The following DOCK9 variants were observed in gnomAD, a reference collection of about 807,000 sequenced individuals.
DOCK9 encodes dedicator of cytokinesis protein 9.
DOCK9 carries 89 observed loss-of-function variants against 263.3 expected under a neutral mutation model. The ratio of observed to expected loss-of-function variants is 0.34; its 90% CI spans 0.28 to 0.40. DOCK9 has a LOEUF of 0.40. Ranked by LOEUF, DOCK9 falls within the 10% of genes least tolerant of loss-of-function variation. The pLI is 1.00. For synonymous variants in DOCK9, 976 were observed against 973.1 expected (o/e 1.00, Z -0.06); for missense variants, 2,140 against 2,603.4 (o/e 0.82, Z 3.87).
At chr13:99,015,543 A>T in intron 1 of DOCK9, 1 of 1,598,346 alleles carries the variant, frequency 6.3e-7, no homozygotes. Context: ...TGCACATATA[A>T]GCACAGTTTC....
intron 1 of DOCK9, among the ~76,000 whole-genome samples, chr13:98,967,269 C>T (rs1293523938): frequency 1.3e-5 from 2 of 152,214 alleles, no homozygotes; most frequent in Non-Finnish European, 2.9e-5. Flanking sequence ...CTGGACAGTG[C>T]ACGAATGCAC....
intron 27 of DOCK9, among the ~76,000 whole-genome samples, chr13:98,870,301 G>A (rs1211133172): frequency 1.3e-5 from 2 of 152,172 alleles, no homozygotes; most frequent in African/African-American, 2.4e-5. Flanking sequence ...ATGAGGAAAG[G>A]ATCAGTAACA....
chr13:98,905,763 A>G (rs1260224515), intron 9 of DOCK9, among the ~76,000 whole-genome samples: 2 of 130,788 alleles, frequency 1.5e-5, no homozygotes, highest in African/African-American at 5.8e-5. Context: ...CTTTCTTAAT[A>G]AACTTGCTTT....
At chr13:98,927,870 C>T (rs1252935077) in intron 3 of DOCK9, among the ~76,000 whole-genome samples, 1 of 152,054 alleles carries the variant, frequency 6.6e-6, no homozygotes, top group Non-Finnish European at 1.5e-5. Flanking sequence ...CCACCCGCCT[C>T]GGCCTCCCAA....
intron 1 of DOCK9, among the ~76,000 whole-genome samples, chr13:99,073,132 G>A (rs970376259): frequency 1.3e-5 from 2 of 152,090 alleles, no homozygotes; most frequent in African/African-American, 4.8e-5. Flanking sequence ...CCACCATGTG[G>A]CCCATCACTC....
intron 1 of DOCK9, among the ~76,000 whole-genome samples, chr13:99,033,389 G>A (rs942080114): frequency 2.6e-5 from 4 of 152,218 alleles, no homozygotes; most frequent in Admixed American, 6.5e-5. Context: ...AACCATTTGT[G>A]AGGGAATGAA....
intron 46 of DOCK9, among the ~76,000 whole-genome samples, chr13:98,809,961 C>T (rs1192516364): frequency 2.0e-5 from 3 of 152,062 alleles, no homozygotes; most frequent in Non-Finnish European, 4.4e-5. Flanking sequence ...TGGGGGTCTC[C>T]ACAGAGGTAG....
intron 2 of DOCK9, among the ~76,000 whole-genome samples, chr13:98,937,001 G>A (rs2054956791): frequency 6.6e-6 from 1 of 152,086 alleles, no homozygotes; most frequent in South Asian, 2.1e-4. Context: ...CTTTTTCATA[G>A]CTGTGGCATT....
At chr13:99,000,888 G>A (rs2141832979) in intron 1 of DOCK9, among the ~76,000 whole-genome samples, 1 of 152,300 alleles carries the variant, frequency 6.6e-6, no homozygotes, top group African/African-American at 2.4e-5. Flanking sequence ...AGTTCTGGCA[G>A]TGAAAAAAGA....
chr13:98,885,754 G>A lies in DOCK9; in HGVS notation c.2214C>T (p.Asn738=). ...TCTTCTTCGTGCTTCCTTTACTTGA[G>A]TTGTCACAGCTGACATGGAAGAATG... ...LLTFFHVSCD[N]SSKGSTKKRD... is the part of the protein sequence containing the mutation. The change falls in exon 20 of 53, where the codon AAC becomes AAT. Residue 738 remains asparagine (N), a synonymous_variant. Coordinates refer to ENST00000682017, the MANE Select transcript of DOCK9 (RefSeq NM_001366683.2). 5 of 1,612,370 alleles carry A rather than the reference G, an allele frequency of 3.1e-6. No homozygotes were observed. Among genetic ancestry groups the A allele is most frequent in the Non-Finnish European group, 4.2e-6 (5 of 1,179,512 alleles).
chr13:98,814,406 C>CTT (rs36080691), intron 45 of DOCK9, among the ~76,000 whole-genome samples: 4,912 of 139,086 alleles, frequency 0.035, 194 homozygotes, highest in African/African-American at 0.087. Context: ...AGAAGTACGT[C>CTT]TTTTTTTTTT....
intron 2 of DOCK9, among the ~76,000 whole-genome samples, 192 bp from the exon 3 acceptor site, chr13:98,930,449 G>C (rs1566999135): frequency 6.6e-6 from 1 of 152,124 alleles, no homozygotes; most frequent in Admixed American, 6.5e-5. Flanking sequence ...CCAAAGCCAG[G>C]CTGGGTTACA....
At chr13:98,960,090 C>T (rs895278260) in intron 1 of DOCK9, among the ~76,000 whole-genome samples, 19 of 152,156 alleles carry the variant, frequency 1.2e-4, no homozygotes, top group African/African-American at 4.6e-4. Flanking sequence ...TTTGCAAGAA[C>T]GAGGCCTGGC....
chr13:98,893,274 A>T (rs2046902354), intron 15 of DOCK9, among the ~76,000 whole-genome samples: 2 of 152,154 alleles, frequency 1.3e-5, no homozygotes, highest in South Asian at 4.2e-4. Flanking sequence ...ATACGCAAAA[A>T]CTTTAGTAGT....
chr13:98,914,319 C>T lies in DOCK9; in HGVS notation c.960+9G>A, dbSNP rs1380631757. On this transcript the variant is annotated intron_variant, in intron 9 of 52. Transcript: ENST00000682017. The stretch of plus-strand genomic sequence containing the variant: ...TCAACGAAGAGCAGAAGATATAAGA[C>T]GATGTTACCTTGGCAAGTTCCGGCA... The T allele has an allele frequency of 2.5e-6, 4 of 1,605,062 alleles. No individual in the cohort carries two copies. The highest frequency in any genetic ancestry group is 2.3e-5 in the South Asian group (2 of 88,784).
At chr13:99,015,707 G>A (rs7330438) in intron 1 of DOCK9, 363,460 of 1,426,962 alleles carry the variant, frequency 0.25, 47,806 homozygotes, top group East Asian at 0.33. Context: ...TACCATCTTC[G>A]TGACAAGCAG....
intron 1 of DOCK9, among the ~76,000 whole-genome samples, chr13:99,038,304 T>TCGC (rs1888131858): frequency 7.6e-5 from 10 of 131,474 alleles, no homozygotes; most frequent in African/African-American, 2.3e-4. Flanking sequence ...TTTTTTTTTT[T>TCGC]TTTTTTTTTT....
chr13:99,028,907 G>T (rs751015711), intron 1 of DOCK9, among the ~76,000 whole-genome samples: 6 of 152,174 alleles, frequency 3.9e-5, no homozygotes, highest in Non-Finnish European at 7.3e-5. Context: ...ATTCAAAGGG[G>T]TAGGCTGGCC....
chr13:98,822,289 G>A (rs1338284557), intron 45 of DOCK9, among the ~76,000 whole-genome samples: 1 of 152,148 alleles, frequency 6.6e-6, no homozygotes, highest in East Asian at 1.9e-4. Flanking sequence ...ATTTCCCCAA[G>A]GCTGTCTGCA....
Sources: allele counts gnomAD v4.1 joint callset (sites outside exome capture counted in the v4.1 genomes callset), GRCh38; gene constraint gnomAD v4.1.1; transcripts MANE v1.5; gene names NCBI Gene and HGNC (gene_info 2026-07-23, HGNC 2026-07-21).